MYH6: variants seen among roughly 807,000 people sequenced by gnomAD.
MYH6 encodes myosin-6.
A neutral mutation model predicts 223.2 loss-of-function variants in MYH6; 126 were observed. The ratio of observed to expected loss-of-function variants is 0.56; its 90% CI spans 0.49 to 0.65. MYH6 has a LOEUF of 0.65. MYH6 is among the 30% of genes least tolerant of loss of function. MYH6 has a pLI of 0.00. For missense variants in MYH6, 2,040 were observed against 2,536.4 expected, an observed-to-expected ratio of 0.80 and a Z score of 4.20; for synonymous variants, 978 against 1,010.2, an observed-to-expected ratio of 0.97 and a Z score of 0.61.
In MYH6 at chr14:23,407,083, G is replaced by C; in HGVS notation, c.141C>G (p.Val47=). The C allele has an allele frequency of 6.2e-7, 1 of 1,614,180 alleles. No individual in the cohort carries two copies. Among genetic ancestry groups the C allele is most frequent in the Non-Finnish European group, 8.5e-7 (1 of 1,180,048 alleles). The change falls in exon 3 of 39, where the codon GTC becomes GTG. Residue 47 remains valine (V), a synonymous_variant. Coordinates refer to ENST00000405093, the MANE Select transcript of MYH6 (RefSeq NM_002471.4). This position sits in a 1 kb window ranked among gnomAD's most constrained non-coding sequence, Gnocchi z 5.6. ...CCTCCCGGGACAAAATCTTGGCTTT[G>C]ACAAACTCTTCCTTGTCATCGGGCA... ...CFVPDDKEEF[V]KAKILSREGG...
At position 23,389,747 on chromosome 14, in the gene MYH6, G is replaced by T. The variant is rs778572923; in HGVS notation, c.3733-28C>A. ...TCAGGAAGCAAGACAGGAAGGGTGA[G>T]TGTGGGAGGGGCTGAGTCGACCAGA... On this transcript the variant is annotated intron_variant, in intron 26 of 38. Coordinates refer to ENST00000405093, the MANE Select transcript of MYH6 (RefSeq NM_002471.4). 13 of 1,614,200 alleles carry T rather than the reference G, an allele frequency of 8.1e-6. No individual in the cohort carries two copies. In the Admixed American group the frequency reaches 1.0e-4, roughly 12 times the overall value.
chr14:23,394,417 CCTT>C, intron 20 of MYH6, 94 bp from the exon 21 acceptor site: 2 of 1,498,000 alleles, frequency 1.3e-6, no homozygotes, highest in Non-Finnish European at 1.8e-6. Context: ...ACGTAGACTT[CCTT>C]CTTGTGCACA....
Position 23,383,339 on chromosome 14 carries a change from G to GGGGGGGGGCCCCCCCCCCC in MYH6, c.5566-20_5566-19insGGGGGGGGGGGCCCCCCCC. 3 of 108,168 alleles carry GGGGGGGGGCCCCCCCCCCC rather than the reference G, an allele frequency of 2.8e-5. No individual in the cohort carries two copies. The highest frequency in any genetic ancestry group is 2.3e-4 in the East Asian group (1 of 4,402). 6.7% of individuals were successfully genotyped at this position (108,168 alleles called of 1,614,324 possible). ...CCTCTGTCTGGGGGTGGGAGGGTGG[G>GGGGGGGGGCCCCCCCCCCC]AGAAGCTGGTTTGGAGGGGGAGCAA... is the stretch of plus-strand genomic sequence containing the variant. On this transcript the variant is annotated intron_variant, in intron 36 of 38. Transcript: ENST00000405093.
chr14:23,397,298 C>T, intron 16 of MYH6, 41 bp from the exon 17 acceptor site: 1 of 1,581,848 alleles, frequency 6.3e-7, no homozygotes, highest in Non-Finnish European at 8.7e-7. Flanking sequence ...GCCACAAGGA[C>T]CATCCCTTAG....
At chr14:23,401,025 A>T (rs1287381583) in intron 12 of MYH6, 48 bp from the exon 13 acceptor site, 1 of 1,568,860 alleles carries the variant, frequency 6.4e-7, no homozygotes, top group African/African-American at 1.4e-5. Flanking sequence ...TTTTTTTTTT[A>T]AGATAGAGGC....
rs1244700972 is a variant in MYH6 at position 23,402,763 on chromosome 14, G to T, written c.936C>A (p.Ala312=). 6.2e-7 allele frequency: 1 copy of T among 1,613,662 alleles called. No homozygotes were observed. The highest frequency in any genetic ancestry group is 2.2e-5 in the East Asian group (1 of 44,736). The change falls in exon 11 of 39, where the codon GCC becomes GCA. Residue 312 remains alanine, a synonymous_variant. Transcript: ENST00000405093. ...CGGACACCTCTCCCTGAGACACGAA[G>T]GCGTAGTCGTAGGGATTGTTGGTGA... The part of the protein sequence containing the change: ...LLVTNNPYDY[A]FVSQGEVSVA...
chr14:23,384,354 G>A, intron 36 of MYH6, 88 bp downstream of exon 36: 3 of 1,579,564 alleles, frequency 1.9e-6, no homozygotes, highest in Non-Finnish European at 2.6e-6. Flanking sequence ...ATCTCAAGGA[G>A]GAGGTGAGAG....
In MYH6 at chr14:23,390,282, G is replaced by C. The variant is rs1380062556; in HGVS notation, c.3507C>G (p.Arg1169=). Residue 1169 remains arginine, a synonymous_variant, in exon 26 of 39, where the codon CGC becomes CGG. Transcript: ENST00000405093. ...TSVQIEMNKK[R]EAEFQKMRRD... ...GCCGCATCTTCTGGAACTCGGCCTC[G>C]CGCTTCTTGTTCATCTCGATCTGCA... is the stretch of plus-strand genomic sequence containing the variant. 6 of 1,597,052 alleles carry C rather than the reference G, an allele frequency of 3.8e-6. No homozygotes were observed. In the Middle Eastern group the frequency reaches 9.1e-4, roughly 241 times the overall value.
Position 23,393,767 on chromosome 14 carries a change from G to A in MYH6, c.2827C>T (p.Arg943Cys), listed in dbSNP as rs368912844. Reference protein sequence around the residue: ...EMNAELTAKKRKLEDECSELK... With the variant: ...EMNAELTAKKCKLEDECSELK... ...TCTGAGCACTCGTCTTCCAGCTTGCGCTTCTTGGCAGTGAGCTCCGCGTTC... is the reference window on the plus strand; with the variant it reads ...TCTGAGCACTCGTCTTCCAGCTTGCACTTCTTGGCAGTGAGCTCCGCGTTC... Residue 943 changes from arginine (R) to cysteine (C), a missense_variant, in exon 22 of 39, where the codon CGC becomes TGC. Arg to Cys is a radical substitution (Grantham distance 180). Coordinates refer to ENST00000405093, the MANE Select transcript of MYH6 (RefSeq NM_002471.4). 6.1e-5 allele frequency: 99 copies of A among 1,614,044 alleles called. 2 individuals carry two copies. Among genetic ancestry groups the A allele is most frequent in the South Asian group, 1.4e-4 (13 of 91,092 alleles).
Position 23,393,876 on chromosome 14 carries a change from G to T in MYH6, c.2718C>A (p.Arg906=). 6.2e-7 allele frequency: 1 copy of T among 1,614,178 alleles called. No individual in the cohort carries two copies. Among genetic ancestry groups the T allele is most frequent in the Non-Finnish European group, 8.5e-7 (1 of 1,180,042 alleles). Residue 906 remains arginine (R), a synonymous_variant, in exon 22 of 39, where the codon CGC becomes CGA. Coordinates refer to ENST00000405093, the MANE Select transcript of MYH6 (RefSeq NM_002471.4). ...TCTTGTTTTTGATCAGCTGGTCGCAGCGCTCCTCAGCATCATTGAGGTTGT... is the reference window on the plus strand; with the variant it reads ...TCTTGTTTTTGATCAGCTGGTCGCATCGCTCCTCAGCATCATTGAGGTTGT... The part of the protein sequence containing the change: ...EQDNLNDAEE[R]CDQLIKNKIQ...
At position 23,389,406 on chromosome 14, in the gene MYH6, T is replaced by C; in HGVS notation, c.3965A>G (p.Glu1322Gly). 6.2e-7 allele frequency: 1 copy of C among 1,614,110 alleles called. No individual in the cohort carries two copies. The highest frequency in any genetic ancestry group is 8.5e-7 in the Non-Finnish European group (1 of 1,180,008). Residue 1322 changes from glutamate to glycine, a missense_variant, in exon 28 of 39, where the codon GAG (glutamate) becomes GGG (glycine). Physicochemically the swap from Glu to Gly is moderately conservative, Grantham distance 98. Around this residue, in one of 4 missense-constraint regions of MYH6, gnomAD observed 1,203 missense variants for 1,400.2 expected, o/e 0.86. Transcript: ENST00000405093. Reference protein sequence around the residue: ...QQMEDLKRQLEEEGKAKNALA... With the variant: ...QQMEDLKRQLGEEGKAKNALA... Reference sequence around the variant, plus strand: ...ACTGGGCCTCACCTTGCCCTCCTCCTCCAGCTGCCTTTTGAGGTCCTCCAT... The same window carrying C: ...ACTGGGCCTCACCTTGCCCTCCTCCCCCAGCTGCCTTTTGAGGTCCTCCAT...
chr14:23,383,629 A>T (rs72686221), intron 36 of MYH6, among the ~76,000 whole-genome samples: 368 of 152,340 alleles, frequency 2.4e-3, no homozygotes, highest in Non-Finnish European at 4.1e-3. Flanking sequence ...TTCCAGCTCC[A>T]GTATGGTGGA....
In MYH6 at chr14:23,396,306, A is replaced by G; in HGVS notation, c.2407T>C (p.Phe803Leu). ...CACCTGCGTTCCACTATCTTCTTGAACTCAATGCGCATGAGCTGGCCCCGG... is the reference window on the plus strand; with the variant it reads ...CACCTGCGTTCCACTATCTTCTTGAGCTCAATGCGCATGAGCTGGCCCCGG... ...QARGQLMRIE[F>L]KKIVERRDAL... Residue 803 changes from phenylalanine to leucine, a missense_variant, in exon 20 of 39, where the codon TTC becomes CTC. This residue lies in a region of MYH6 where 649 missense variants were observed against 877.3 expected (regional missense o/e 0.74). Coordinates refer to ENST00000405093, the MANE Select transcript of MYH6 (RefSeq NM_002471.4). 1 of 1,614,004 alleles carries G rather than the reference A, an allele frequency of 6.2e-7. No homozygotes were observed.
Position 23,394,194 on chromosome 14 carries a change from G to T in MYH6, c.2559C>A (p.Thr853=). Reference sequence around the variant, plus strand: ...TGATGCGCCCGAACTCTTCCTTCATGGTGGCCATCTCCTTCTCCGTCTCTG... The same window carrying T: ...TGATGCGCCCGAACTCTTCCTTCATTGTGGCCATCTCCTTCTCCGTCTCTG... ...KSAETEKEMA[T]MKEEFGRIKE... The change falls in exon 21 of 39, where the codon ACC becomes ACA. Residue 853 remains threonine, a synonymous_variant. Transcript: ENST00000405093. 6.2e-7 allele frequency: 1 copy of T among 1,614,192 alleles called. No individual in the cohort carries two copies. Among genetic ancestry groups the T allele is most frequent in the Non-Finnish European group, 8.5e-7 (1 of 1,180,028 alleles).
At chr14:23,389,332 A>G in intron 28 of MYH6, 61 bp downstream of exon 28, 2 of 1,555,806 alleles carry the variant, frequency 1.3e-6, no homozygotes, top group Non-Finnish European at 1.8e-6. Flanking sequence ...CATTTCTGGC[A>G]CTGAGATGAA....
At chr14:23,396,885 G>T in intron 18 of MYH6, 68 bp from the exon 19 acceptor site, 3 of 1,612,710 alleles carry the variant, frequency 1.9e-6, no homozygotes, top group Non-Finnish European at 2.5e-6. Context: ...GAATTCCAGG[G>T]TCACCTGCAG....
chr14:23,400,475 G>T, intron 13 of MYH6, 49 bp from the exon 14 acceptor site: 1 of 1,613,490 alleles, frequency 6.2e-7, no homozygotes, highest in Non-Finnish European at 8.5e-7. Context: ...GGTGTGAGTG[G>T]CCATTGGGGC....
chr14:23,389,257 C>T, intron 28 of MYH6, 136 bp downstream of exon 28: 1 of 1,194,712 alleles, frequency 8.4e-7, no homozygotes, highest in African/African-American at 1.5e-5. Flanking sequence ...TGACGCTTAG[C>T]TGCAGGGCAG....
chr14:23,398,313 A>G (rs1266173166), intron 15 of MYH6, among the ~76,000 whole-genome samples: 2 of 151,888 alleles, frequency 1.3e-5, no homozygotes, highest in Non-Finnish European at 2.9e-5. Flanking sequence ...ACCGTGCCCA[A>G]CCTCTACTTT....
Sources: allele counts gnomAD v4.1 joint callset (sites outside exome capture counted in the v4.1 genomes callset), GRCh38; gene constraint gnomAD v4.1.1; regional missense constraint gnomAD v4.1.1; non-coding constraint Gnocchi (gnomAD v3.1); transcripts MANE v1.5; gene names NCBI Gene and HGNC (gene_info 2026-07-23, HGNC 2026-07-21).